PRSS58: variants seen among roughly 807,000 people sequenced by gnomAD.
The protein encoded by PRSS58 is protease, serine 58.
In PRSS58, 31 loss-of-function variants were observed where a neutral mutation model predicts 25.0. The observed-to-expected ratio is 1.24, with a 90% confidence interval of 0.93 to 1.67. The LOEUF is 1.67. PRSS58 is among the 40% of genes most tolerant of loss of function. The pLI is 0.00. For missense variants in PRSS58, 324 were observed against 287.9 expected (o/e 1.13, Z -0.91); for synonymous variants, 119 against 106.1 (o/e 1.12, Z -0.75).
At chr7:142,254,202 TG>T (rs1442468153) in intron 4 of PRSS58, among the ~76,000 whole-genome samples, 1 of 152,204 alleles carries the variant, frequency 6.6e-6, no homozygotes, top group African/African-American at 2.4e-5. Flanking sequence ...TATATATCAT[TG>T]TTCTATTTTG....
Position 142,252,346 on chromosome 7 carries a change from A to T in PRSS58, c.601T>A (p.Cys201Ser), listed in dbSNP as rs769214940. Residue 201 changes from cysteine (C) to serine (S), a missense_variant, in exon 6 of 6, where the codon TGC becomes AGC. By Grantham distance (112) the Cys-to-Ser change is moderately radical. Coordinates refer to ENST00000547058, the MANE Select transcript of PRSS58 (RefSeq NM_001001317.5). ...AGGATTCCTTGAAGCATCCCATTGC[A>T]GATTGCCGGGGCAGCAGAAACTTCC... ...CKEVSAAPAI[C>S]NGMLQGILSF... 1.9e-6 allele frequency: 3 copies of T among 1,613,942 alleles called. No homozygotes were observed. In the South Asian group the frequency reaches 3.3e-5, roughly 18 times the overall value.
chr7:142,253,064 G>C (rs1383071018), intron 4 of PRSS58, among the ~76,000 whole-genome samples: 2 of 152,106 alleles, frequency 1.3e-5, no homozygotes, highest in Non-Finnish European at 1.5e-5. Context: ...ATGAGTGCCT[G>C]TAATGCCAGC....
intron 2 of PRSS58, among the ~76,000 whole-genome samples, chr7:142,256,851 T>C (rs1438545892): frequency 6.6e-6 from 1 of 152,060 alleles, no homozygotes; most frequent in Non-Finnish European, 1.5e-5. Context: ...GTCAAATATC[T>C]GGGTGAAGGG....
At chr7:142,256,744 A>C (rs1249501404) in intron 2 of PRSS58, among the ~76,000 whole-genome samples, 1 of 152,194 alleles carries the variant, frequency 6.6e-6, no homozygotes, top group African/African-American at 2.4e-5. Context: ...TATAGGCATG[A>C]GCCATTACTC....
intron 2 of PRSS58, among the ~76,000 whole-genome samples, chr7:142,256,541 C>A (rs1410534425): frequency 6.6e-6 from 1 of 152,200 alleles, no homozygotes; most frequent in Non-Finnish European, 1.5e-5. Context: ...AGGCTCACTG[C>A]AGCCTCAACC....
Position 142,255,571 on chromosome 7 carries a change from G to C in PRSS58, c.143C>G (p.Pro48Arg). ...YLPCAGVLIH[P>R]LWVITAAHCN... ...GTGTGCAGCTGTGATCACCCAAAGCGGGTGGATCAGGACTCCAGCGCAGGG... is the reference window on the plus strand; with the variant it reads ...GTGTGCAGCTGTGATCACCCAAAGCCGGTGGATCAGGACTCCAGCGCAGGG... The change falls in exon 3 of 6, where the codon CCG (proline) becomes CGG (arginine). Residue 48 changes from proline to arginine, a missense_variant. Physicochemically the swap from Pro to Arg is moderately radical, Grantham distance 103 (BLOSUM62 -2). Coordinates refer to ENST00000547058, the MANE Select transcript of PRSS58 (RefSeq NM_001001317.5). 1 of 1,614,042 alleles carries C rather than the reference G, an allele frequency of 6.2e-7. No homozygotes were observed. Among genetic ancestry groups the C allele is most frequent in the South Asian group, 1.1e-5 (1 of 91,082 alleles).
At position 142,252,631 on chromosome 7, in the gene PRSS58, C is replaced by G; in HGVS notation, c.437-20G>C. ...CTTTGTCTAAAGAAAAGATAGAAGT[C>G]AAACTTCCTTAAGAGTTTTGTTAGG... On this transcript the variant is annotated intron_variant, in intron 4 of 5. Transcript: ENST00000547058. 6.3e-7 allele frequency: 1 copy of G among 1,595,816 alleles called. No homozygotes were observed. The highest frequency in any genetic ancestry group is 1.7e-4 in the Middle Eastern group (1 of 5,966).
Position 142,255,666 on chromosome 7 carries a change from C to T in PRSS58, c.48G>A (p.Leu16=), listed in dbSNP as rs746292505. 1 of 1,606,212 alleles carries T rather than the reference C, an allele frequency of 6.2e-7. No individual in the cohort carries two copies. The highest frequency in any genetic ancestry group is 8.5e-7 in the Non-Finnish European group (1 of 1,175,994). Residue 16 remains leucine (L), a synonymous_variant, in exon 3 of 6, where the codon TTG becomes TTA. Coordinates refer to ENST00000547058, the MANE Select transcript of PRSS58 (RefSeq NM_001001317.5). The stretch of plus-strand genomic sequence containing the variant: ...TGACTGTGTAATCTGGATTAAAGGC[C>T]AAAGCAACTGGAAAGAGAAGCATAG... The part of the protein sequence containing the change: ...LWALLNLTVA[L]AFNPDYTVSS...
chr7:142,257,685 G>T lies in PRSS58; in HGVS notation c.23C>A (p.Ala8Asp). 1 of 1,613,106 alleles carries T rather than the reference G, an allele frequency of 6.2e-7. No individual in the cohort carries two copies. The change falls in exon 2 of 6, where the codon GCT becomes GAT. Residue 8 changes from alanine to aspartate, a missense_variant. Transcript: ENST00000547058. Reference sequence around the variant, plus strand: ...ACACTCACCAGTCAGATTCAAGAGAGCCCAGAGGAGGATAAACTTCATGAT... The same window carrying T: ...ACACTCACCAGTCAGATTCAAGAGATCCCAGAGGAGGATAAACTTCATGAT... MKFILLWALLNLTVALAF... is the reference protein window; with the variant it reads MKFILLWDLLNLTVALAF...
At chr7:142,254,493 C>A (rs1412296383) in intron 4 of PRSS58, among the ~76,000 whole-genome samples, 1 of 152,122 alleles carries the variant, frequency 6.6e-6, no homozygotes, top group Non-Finnish European at 1.5e-5. Flanking sequence ...TGTCAGTTTT[C>A]TGAAGAAATG....
chr7:142,256,820 T>G (rs1004078724), intron 2 of PRSS58, among the ~76,000 whole-genome samples: 8 of 152,032 alleles, frequency 5.3e-5, no homozygotes, highest in Non-Finnish European at 1.5e-5. Context: ...AACAATAACA[T>G]GAAAACGGGG....
chr7:142,252,172 G>A lies in PRSS58; in HGVS notation c.*49C>T, dbSNP rs1798475019. The A allele has an allele frequency of 2.6e-6, 4 of 1,545,924 alleles. No homozygotes were observed. The highest frequency in any genetic ancestry group is 3.5e-6 in the Non-Finnish European group (4 of 1,143,644). Reference sequence around the variant, plus strand: ...GAGTTAATTTATATTTAATTCTAAAGGTGAACGATGGGGACAAGCTGTGTC... The same window carrying A: ...GAGTTAATTTATATTTAATTCTAAAAGTGAACGATGGGGACAAGCTGTGTC... On this transcript the variant is annotated 3_prime_UTR_variant, in exon 6 of 6. Transcript: ENST00000547058.
At chr7:142,256,020 A>G (rs1173704276) in intron 2 of PRSS58, among the ~76,000 whole-genome samples, 3 of 152,204 alleles carry the variant, frequency 2.0e-5, no homozygotes, top group Non-Finnish European at 4.4e-5. Flanking sequence ...GTCTTAAGGC[A>G]TTCTGATTTA....
At chr7:142,257,416 G>A (rs757034738) in intron 2 of PRSS58, among the ~76,000 whole-genome samples, 40 of 152,110 alleles carry the variant, frequency 2.6e-4, no homozygotes, top group Admixed American at 5.2e-4. Context: ...TCCAGAGTCA[G>A]GTCTTAGGAG....
intron 4 of PRSS58, among the ~76,000 whole-genome samples, chr7:142,253,234 G>A (rs1034201428): frequency 6.6e-6 from 1 of 152,186 alleles, no homozygotes; most frequent in African/African-American, 2.4e-5. Flanking sequence ...GGTTTCTTTT[G>A]AGATGTAATT....
intron 4 of PRSS58, among the ~76,000 whole-genome samples, chr7:142,252,927 C>G (rs927274916): frequency 6.6e-6 from 1 of 152,234 alleles, no homozygotes; most frequent in Admixed American, 6.5e-5. Context: ...TGGCTCACGC[C>G]TGTAATCCCA....
chr7:142,255,047 G>A lies in PRSS58; in HGVS notation c.436+8C>T. The A allele has an allele frequency of 6.2e-7, 1 of 1,613,180 alleles. No homozygotes were observed. Among genetic ancestry groups the A allele is most frequent in the Non-Finnish European group, 8.5e-7 (1 of 1,179,410 alleles). ...AATTCTGAGAGAAGAACATTGTCTT[G>A]AACTCACAGATATCACACACATTGT... On this transcript the variant is annotated splice_region_variant and intron_variant, in intron 4 of 5. Transcript: ENST00000547058.
At chr7:142,254,410 G>C (rs1230490223) in intron 4 of PRSS58, among the ~76,000 whole-genome samples, 1 of 152,156 alleles carries the variant, frequency 6.6e-6, no homozygotes, top group Non-Finnish European at 1.5e-5. Context: ...ACAAAGTTTA[G>C]ATAGACTATC....
At chr7:142,256,118 T>C (rs1299929294) in intron 2 of PRSS58, among the ~76,000 whole-genome samples, 2 of 152,194 alleles carry the variant, frequency 1.3e-5, no homozygotes, top group African/African-American at 4.8e-5. Context: ...GACCAAATGC[T>C]AAGAGTCTGA....
Sources: gnomAD v4.1 joint callset for allele counts (sites outside exome capture counted in the v4.1 genomes callset) on GRCh38, gnomAD v4.1.1 for gene constraint, MANE v1.5 for transcripts, NCBI Gene and HGNC (gene_info 2026-07-23, HGNC 2026-07-21) for gene names.